The following CELF2 variants were observed in gnomAD, a reference collection of about 807,000 sequenced individuals.
The protein encoded by CELF2 is CUGBP Elav-like family member 2, also known as CUG triplet repeat RNA-binding protein 2.
A neutral mutation model predicts 62.6 loss-of-function variants in CELF2; 8 were observed. That is an observed-to-expected ratio of 0.13 (90% confidence interval 0.07 to 0.23). CELF2 has a LOEUF of 0.23. Ranked by LOEUF, CELF2 falls within the 10% of genes least tolerant of loss-of-function variation. The probability of loss-of-function intolerance (pLI) is 1.00; values close to 1 mark genes in which losing one functional copy is unlikely to be tolerated. For missense variants in CELF2, 333 were observed against 671.0 expected (o/e 0.50, Z 5.56); for synonymous variants, 258 against 250.0 (o/e 1.03, Z -0.30).
rs2092255539 is a variant in CELF2 at position 11,290,005 on chromosome 10, C to A, written c.976+1453C>A. Among the ~76,000 whole-genome samples the A allele has an allele frequency of 6.6e-6, 1 of 152,102 alleles. No individual in the cohort carries two copies. The highest frequency in any genetic ancestry group is 2.1e-4 in the South Asian group (1 of 4,822). ...GCACTTTGATTACCCCAAAATAGCA[C>A]TGAGTATTGTGAATGCATTTTGGAG... On this transcript the variant is annotated intron_variant, in intron 9 of 12. Transcript: ENST00000633077. This position sits in a 1 kb window ranked among gnomAD's most constrained non-coding sequence, Gnocchi z 4.3.
the CELF2 span, among the ~76,000 whole-genome samples, chr10:10,579,862 CAT>C: frequency 0.095 from 14,367 of 151,958 alleles, 739 homozygotes; most frequent in Middle Eastern, 0.17. Flanking sequence ...CACACACACA[CAT>C]GCACACACTC....
chr10:11,056,044 A>C (rs1287626802), intron 1 of CELF2, among the ~76,000 whole-genome samples: 1 of 152,236 alleles, frequency 6.6e-6, no homozygotes, highest in South Asian at 2.1e-4. Context: ...GTTTTAAACA[A>C]TTGGTTTCAG....
At chr10:10,892,444 C>T (rs1025056567) in intron 1 of CELF2, among the ~76,000 whole-genome samples, 1 of 152,146 alleles carries the variant, frequency 6.6e-6, no homozygotes, top group East Asian at 1.9e-4. Context: ...CTTCAGATCC[C>T]CTCCATCCAC....
the CELF2 span, among the ~76,000 whole-genome samples, chr10:10,614,795 C>A: frequency 6.6e-6 from 1 of 152,060 alleles, no homozygotes; most frequent in Non-Finnish European, 1.5e-5. Flanking sequence ...GGACTTTTTT[C>A]TCTGCAATTA....
intron 1 of CELF2, among the ~76,000 whole-genome samples, chr10:11,083,055 G>A (rs1379787799): frequency 1.3e-5 from 2 of 152,218 alleles, no homozygotes; most frequent in Non-Finnish European, 2.9e-5. Context: ...CAGCCATGAG[G>A]ATGGATCGTA....
intron 2 of CELF2, among the ~76,000 whole-genome samples, chr10:10,933,553 G>A (rs1263744141): frequency 3.3e-5 from 5 of 151,938 alleles, no homozygotes; most frequent in Admixed American, 6.6e-5. Context: ...AGTATCCAAC[G>A]GTAACTTTAT....
the CELF2 span, among the ~76,000 whole-genome samples, chr10:10,595,217 C>T: frequency 6.6e-6 from 1 of 152,176 alleles, no homozygotes; most frequent in African/African-American, 2.4e-5. Flanking sequence ...AGGACATGCA[C>T]AAGCCTCTTA....
At chr10:10,551,590 A>G in the CELF2 span, among the ~76,000 whole-genome samples, 1 of 152,074 alleles carries the variant, frequency 6.6e-6, no homozygotes. Flanking sequence ...GTGTACTAAT[A>G]CTTAGGAGCT....
At chr10:10,831,548 T>C (rs927473280) in intron 1 of CELF2, among the ~76,000 whole-genome samples, 1 of 152,208 alleles carries the variant, frequency 6.6e-6, no homozygotes, top group Admixed American at 6.5e-5. Context: ...ACAGCCATCA[T>C]TCCACTATGG....
rs114846460 is a variant in CELF2 at position 11,084,041 on chromosome 10, C to T, written c.74+65878C>T. On this transcript the variant is annotated intron_variant, in intron 1 of 12. Coordinates refer to ENST00000633077, the MANE Select transcript of CELF2 (RefSeq NM_001326342.2). ...CCATTACCAGCCCACTGTGAAGATC[C>T]GGTCCCTGCTGGTTGCCAGTGGTCT... is the stretch of plus-strand genomic sequence containing the variant. Among the ~76,000 whole-genome samples the T allele has an allele frequency of 8.1e-3, 1,225 of 152,060 alleles. 14 individuals carry two copies. The highest frequency in any genetic ancestry group is 0.028 in the African/African-American group (1,172 of 41,454).
the CELF2 span, among the ~76,000 whole-genome samples, chr10:10,773,474 A>G: frequency 6.6e-6 from 1 of 152,224 alleles, no homozygotes; most frequent in African/African-American, 2.4e-5. Context: ...TTATACATAT[A>G]TTGGCACTGT....
At chr10:10,699,183 T>C in the CELF2 span, among the ~76,000 whole-genome samples, 4 of 152,178 alleles carry the variant, frequency 2.6e-5, no homozygotes, top group Non-Finnish European at 5.9e-5. Flanking sequence ...ATTTCCCCAA[T>C]ATTGTGCATT....
chr10:10,518,333 C>T, the CELF2 span, among the ~76,000 whole-genome samples: 3 of 152,232 alleles, frequency 2.0e-5, no homozygotes, highest in African/African-American at 4.8e-5. Context: ...CCAAGCTCCA[C>T]ACAGTTGTGT....
intron 1 of CELF2, among the ~76,000 whole-genome samples, chr10:10,840,099 C>A (rs1269723958): frequency 6.6e-6 from 1 of 152,178 alleles, no homozygotes; most frequent in East Asian, 1.9e-4. Flanking sequence ...GTTGGTTTCT[C>A]CATTCACCTG....
the CELF2 span, among the ~76,000 whole-genome samples, chr10:10,635,275 T>A: frequency 6.6e-6 from 1 of 152,290 alleles, no homozygotes; most frequent in South Asian, 2.1e-4. Flanking sequence ...ACAACTTACA[T>A]GTAAATAATT....
intron 4 of CELF2, among the ~76,000 whole-genome samples, chr10:11,254,128 G>A (rs1160703494): frequency 6.6e-6 from 1 of 152,214 alleles, no homozygotes; most frequent in Non-Finnish European, 1.5e-5. Context: ...TGTTCTTGTA[G>A]AATGTTTACA....
the CELF2 span, among the ~76,000 whole-genome samples, chr10:10,770,559 G>T: frequency 2.0e-5 from 3 of 152,054 alleles, no homozygotes; most frequent in Non-Finnish European, 2.9e-5. Flanking sequence ...TAGGAAGGAG[G>T]AAACAGAGAG....
intron 1 of CELF2, among the ~76,000 whole-genome samples, chr10:11,057,813 C>T (rs1442599390): frequency 6.6e-6 from 1 of 152,038 alleles, no homozygotes. Context: ...ACCCATATTG[C>T]CAGAAAAAGA....
intron 1 of CELF2, among the ~76,000 whole-genome samples, chr10:10,844,741 G>C (rs2058905747): frequency 6.6e-6 from 1 of 152,110 alleles, no homozygotes; most frequent in Admixed American, 6.6e-5. Context: ...AGGACCGTAA[G>C]AAAAGGGTTT....
Sources: allele counts gnomAD v4.1 joint callset (sites outside exome capture counted in the v4.1 genomes callset), GRCh38; gene constraint gnomAD v4.1.1; non-coding constraint Gnocchi (gnomAD v3.1); transcripts MANE v1.5; gene names NCBI Gene and HGNC (gene_info 2026-07-23, HGNC 2026-07-21).